Variants in AGL observed in about 807,000 individuals in gnomAD.
AGL encodes the protein amylo-alpha-1,6-glucosidase and 4-alpha-glucanotransferase.
AGL carries 128 observed loss-of-function variants against 199.3 expected under a neutral mutation model. The observed-to-expected ratio is 0.64, with a 90% confidence interval of 0.56 to 0.74. AGL has a LOEUF of 0.74. Ranked by LOEUF, AGL falls within the 30% of genes least tolerant of loss-of-function variation. The probability of loss-of-function intolerance (pLI) is 0.00; values close to 1 mark genes in which losing one functional copy is unlikely to be tolerated. For synonymous variants in AGL, 584 were observed against 594.7 expected (o/e 0.98, Z 0.26); for missense variants, 1,809 against 1,820.8 (o/e 0.99, Z 0.12).
At chr1:99,852,574 C>T (rs2101057226) in intron 2 of AGL, 2 of 613,394 alleles carry the variant, frequency 3.3e-6, no homozygotes, top group Middle Eastern at 2.7e-4. Context: ...CTGGGTCTCA[C>T]TATGTTGCCC....
chr1:99,910,672 T>C, intron 27 of AGL, 40 bp from the exon 28 acceptor site: 4 of 1,239,136 alleles, frequency 3.2e-6, no homozygotes, highest in Non-Finnish European at 4.5e-6. Context: ...CTATATATAA[T>C]ACTTATAAAA....
chr1:99,855,811 AAG>A (rs1227031569), intron 2 of AGL, among the ~76,000 whole-genome samples: 1 of 152,168 alleles, frequency 6.6e-6, no homozygotes, highest in East Asian at 1.9e-4. Flanking sequence ...AAAAAAAAAA[AAG>A]AATAATGAAC....
chr1:99,887,919 T>C lies in AGL; in HGVS notation c.2682-59T>C. 6.9e-6 allele frequency: 11 copies of C among 1,590,446 alleles called. No homozygotes were observed. The South Asian group carries it at 1.1e-4, about 16-fold the overall frequency. On this transcript the variant is annotated intron_variant, in intron 20 of 33. Coordinates refer to ENST00000361915, the MANE Select transcript of AGL (RefSeq NM_000642.3). The stretch of plus-strand genomic sequence containing the variant: ...TTGTAATTCAGATTTTCTTCTTTTG[T>C]TTCTATTGACAACAAGCGAAACTTC...
intron 20 of AGL, among the ~76,000 whole-genome samples, chr1:99,887,321 C>T (rs1652526052): frequency 6.6e-6 from 1 of 152,118 alleles, no homozygotes. Flanking sequence ...AAAGGGAAAT[C>T]AAGGCCATGA....
chr1:99,862,599 A>C (rs1277495381), intron 4 of AGL, among the ~76,000 whole-genome samples, 176 bp downstream of exon 4: 1 of 152,220 alleles, frequency 6.6e-6, no homozygotes, highest in African/African-American at 2.4e-5. Context: ...CAGGCTATAC[A>C]GGAAGCATGG....
upstream of AGL, among the ~76,000 whole-genome samples, chr1:99,849,541 C>T (rs150514070): frequency 1.4e-3 from 216 of 152,126 alleles, 1 homozygote; most frequent in African/African-American, 4.9e-3. Context: ...ACCCGGACAC[C>T]GTTAAGTATC....
In AGL at chr1:99,877,741, C is replaced by T. The variant is rs1428902524; in HGVS notation, c.1524C>T (p.His508=). The T allele has an allele frequency of 1.9e-6, 3 of 1,614,024 alleles. No homozygotes were observed. Among genetic ancestry groups the T allele is most frequent in the Non-Finnish European group, 2.5e-6 (3 of 1,179,968 alleles). The change falls in exon 12 of 34, where the codon CAC becomes CAT. Residue 508 remains histidine (H), a synonymous_variant. Transcript: ENST00000361915. ...KPEDCPYLWA[H]MKKYTEITAT... is the part of the protein sequence containing the mutation. ...AGGACTGTCCTTATCTCTGGGCACACATGAAAAAATACACTGAAATAACTG... is the reference window on the plus strand; with the variant it reads ...AGGACTGTCCTTATCTCTGGGCACATATGAAAAAATACACTGAAATAACTG...
intron 2 of AGL, 60 bp downstream of exon 2, chr1:99,851,184 C>T: frequency 2.9e-6 from 4 of 1,391,888 alleles, no homozygotes; most frequent in Non-Finnish European, 4.1e-6. Context: ...AATTCATTGG[C>T]AGTCCTGTTA....
At chr1:99,880,165 A>G (rs1651896901) in intron 13 of AGL, 119 bp downstream of exon 13, 2 of 1,431,410 alleles carry the variant, frequency 1.4e-6, no homozygotes, top group Non-Finnish European at 1.9e-6. Flanking sequence ...ATGTTCTTCT[A>G]AATACTTTGT....
At chr1:99,856,968 C>T (rs998387705) in intron 2 of AGL, among the ~76,000 whole-genome samples, 4 of 152,228 alleles carry the variant, frequency 2.6e-5, no homozygotes, top group South Asian at 2.1e-4. Flanking sequence ...ACCTCCCAGA[C>T]GGGGTGGTGG....
intron 2 of AGL, among the ~76,000 whole-genome samples, chr1:99,857,971 A>G (rs757401455): frequency 2.9e-4 from 44 of 152,248 alleles, no homozygotes; most frequent in Non-Finnish European, 5.7e-4. Context: ...TGTATGTCAG[A>G]TAAGTTACAA....
chr1:99,856,281 G>A (rs1649407118), intron 2 of AGL, among the ~76,000 whole-genome samples: 1 of 145,486 alleles, frequency 6.9e-6, no homozygotes, highest in African/African-American at 2.6e-5. Context: ...GCTACAGAAA[G>A]AAAATATAAC....
chr1:99,889,209 A>G (rs1652690985), intron 21 of AGL, among the ~76,000 whole-genome samples: 1 of 152,234 alleles, frequency 6.6e-6, no homozygotes, highest in Non-Finnish European at 1.5e-5. Flanking sequence ...GTTAGCCTTA[A>G]AACCACACTA....
rs562410904 is a variant in AGL at position 99,854,620 on chromosome 1, C to T, written c.82+3496C>T. 1.3e-4 allele frequency among the ~76,000 whole-genome samples: 20 copies of T among 151,912 alleles called. No homozygotes were observed. The East Asian group carries it at 2.5e-3, about 19-fold the overall frequency. On this transcript the variant is annotated intron_variant, in intron 2 of 33. Coordinates refer to ENST00000361915, the MANE Select transcript of AGL (RefSeq NM_000642.3). ...TACTAAAAATACAAAAAAAATTAGC[C>T]GGGCCTGGTGGCGGGCGCCTCTAGT...
chr1:99,918,798 T>C (rs763359435), intron 33 of AGL, among the ~76,000 whole-genome samples: 13 of 152,182 alleles, frequency 8.5e-5, no homozygotes, highest in Non-Finnish European at 5.9e-5. Context: ...CTGACCAGAA[T>C]AGCATTTGGT....
At chr1:99,863,593 G>A (rs1432315311) in intron 4 of AGL, among the ~76,000 whole-genome samples, 2 of 151,796 alleles carry the variant, frequency 1.3e-5, no homozygotes, top group African/African-American at 2.4e-5. Context: ...GCTTGGGACT[G>A]CAGGCGCCTG....
chr1:99,911,644 T>G (rs536410500), intron 28 of AGL, among the ~76,000 whole-genome samples: 1 of 152,330 alleles, frequency 6.6e-6, no homozygotes, highest in Non-Finnish European at 1.5e-5. Context: ...GGTTTCACCA[T>G]GTTGGCCAGG....
At chr1:99,902,854 A>G (rs890638642) in intron 27 of AGL, 60 bp downstream of exon 27, 121 of 1,263,574 alleles carry the variant, frequency 9.6e-5, no homozygotes, top group African/African-American at 1.5e-4. Context: ...AAACCTTGCA[A>G]TTGTTCACTT....
In AGL at chr1:99,877,887, T is replaced by C. The variant is rs1651688060; in HGVS notation, c.1611+59T>C. The stretch of plus-strand genomic sequence containing the variant: ...GAAATTCAGTGTTCCTTCCTAGCTT[T>C]CCTTAAGTAAACTATGCAGGTAAAT... On this transcript the variant is annotated intron_variant, in intron 12 of 33. Coordinates refer to ENST00000361915, the MANE Select transcript of AGL (RefSeq NM_000642.3). 19 of 1,539,322 alleles carry C rather than the reference T, an allele frequency of 1.2e-5. No homozygotes were observed. In the South Asian group the frequency reaches 1.9e-4, roughly 15 times the overall value.
Sources: gnomAD v4.1 joint callset for allele counts (sites outside exome capture counted in the v4.1 genomes callset) on GRCh38, gnomAD v4.1.1 for gene constraint, MANE v1.5 for transcripts, NCBI Gene and HGNC (gene_info 2026-07-23, HGNC 2026-07-21) for gene names.